NDST4: variants seen among roughly 807,000 people sequenced by gnomAD.
The protein encoded by NDST4 is N-deacetylase and N-sulfotransferase 4.
In NDST4, 63 loss-of-function variants were observed where a neutral mutation model predicts 100.8. That is an observed-to-expected ratio of 0.62 (90% confidence interval 0.51 to 0.77). NDST4 has a LOEUF of 0.77. Ranked by LOEUF, NDST4 falls within the 30% of genes least tolerant of loss-of-function variation. NDST4 has a pLI of 0.00. For missense variants in NDST4, 943 were observed against 1,018.4 expected (o/e 0.93, Z 1.01); for synonymous variants, 377 against 361.8 (o/e 1.04, Z -0.48).
chr4:114,918,656 C>T (rs964835940), intron 6 of NDST4, among the ~76,000 whole-genome samples: 1 of 152,100 alleles, frequency 6.6e-6, no homozygotes, highest in Non-Finnish European at 1.5e-5. Flanking sequence ...CCTGTCCCAC[C>T]CCTCCCCTGA....
intron 6 of NDST4, among the ~76,000 whole-genome samples, chr4:114,934,862 T>TA (rs763378508): frequency 4.6e-4 from 70 of 152,004 alleles, no homozygotes; most frequent in Non-Finnish European, 5.0e-4. Context: ...ACTGTAAAAA[T>TA]AAAAAAATTT....
At chr4:115,040,319 C>T (rs1440593763) in intron 2 of NDST4, among the ~76,000 whole-genome samples, 11 of 147,460 alleles carry the variant, frequency 7.5e-5, no homozygotes, top group Non-Finnish European at 1.5e-5. Flanking sequence ...ATAAGCAAAG[C>T]AATTCTTCTC....
chr4:115,107,654 T>TG (rs1729858106), intron 1 of NDST4, among the ~76,000 whole-genome samples: 1 of 152,050 alleles, frequency 6.6e-6, no homozygotes, highest in Non-Finnish European at 1.5e-5. Context: ...GGCACTACTG[T>TG]GGGGTCTTTA....
intron 3 of NDST4, among the ~76,000 whole-genome samples, chr4:114,975,590 T>A (rs983185810): frequency 3.9e-5 from 6 of 152,138 alleles, no homozygotes; most frequent in African/African-American, 1.4e-4. Context: ...AAGTGGTGTA[T>A]CCTCTACAAC....
intron 7 of NDST4, among the ~76,000 whole-genome samples, chr4:114,861,006 C>A (rs1723907727): frequency 6.6e-6 from 1 of 152,198 alleles, no homozygotes; most frequent in Non-Finnish European, 1.5e-5. Context: ...ATGGACCACA[C>A]TTTGAGTAGC....
At chr4:115,053,470 A>G (rs1728627485) in intron 2 of NDST4, among the ~76,000 whole-genome samples, 1 of 152,044 alleles carries the variant, frequency 6.6e-6, no homozygotes, top group Non-Finnish European at 1.5e-5. Context: ...TCCTGCATAT[A>G]TATCCTTTTT....
intron 2 of NDST4, among the ~76,000 whole-genome samples, chr4:115,001,424 A>G (rs1727287266): frequency 6.6e-6 from 1 of 151,498 alleles, no homozygotes; most frequent in Admixed American, 6.6e-5. Context: ...CCCCACCTAG[A>G]CTATCAGAGC....
chr4:115,011,282 T>C (rs190735409), intron 2 of NDST4, among the ~76,000 whole-genome samples: 7 of 152,098 alleles, frequency 4.6e-5, no homozygotes, highest in Admixed American at 3.9e-4. Flanking sequence ...ACCTTAACTG[T>C]GCTTCATGGC....
At chr4:114,929,261 C>T (rs1560817328) in intron 6 of NDST4, among the ~76,000 whole-genome samples, 1 of 152,006 alleles carries the variant, frequency 6.6e-6, no homozygotes, top group Non-Finnish European at 1.5e-5. Flanking sequence ...TCCATTTGGC[C>T]TGGGCTCTAC....
chr4:114,831,686 G>A (rs1376614997), intron 12 of NDST4, among the ~76,000 whole-genome samples: 1 of 152,060 alleles, frequency 6.6e-6, no homozygotes, highest in East Asian at 1.9e-4. Flanking sequence ...ATCAGAGAAA[G>A]GAGAGCCCTC....
At chr4:114,845,751 TC>T in intron 10 of NDST4, 71 bp downstream of exon 10, 1 of 1,385,052 alleles carries the variant, frequency 7.2e-7, no homozygotes, top group Non-Finnish European at 1.0e-6. Flanking sequence ...TAGGTTCTAT[TC>T]TGGTTATTTT....
intron 6 of NDST4, among the ~76,000 whole-genome samples, chr4:114,915,370 C>A (rs901481481): frequency 2.6e-5 from 4 of 152,070 alleles, no homozygotes; most frequent in African/African-American, 9.7e-5. Flanking sequence ...CCACTTACAC[C>A]AGGTAGGATG....
At chr4:114,925,474 C>A (rs1014882757) in intron 6 of NDST4, among the ~76,000 whole-genome samples, 1 of 152,136 alleles carries the variant, frequency 6.6e-6, no homozygotes, top group African/African-American at 2.4e-5. Flanking sequence ...AGAGCCAGCA[C>A]TAATCCATAA....
intron 1 of NDST4, among the ~76,000 whole-genome samples, chr4:115,104,673 T>C (rs1729801827): frequency 6.6e-6 from 1 of 152,100 alleles, no homozygotes; most frequent in Non-Finnish European, 1.5e-5. Flanking sequence ...ATAAATCACA[T>C]TAAAATGTTG....
At chr4:114,926,130 A>G (rs546901937) in intron 6 of NDST4, among the ~76,000 whole-genome samples, 1 of 152,288 alleles carries the variant, frequency 6.6e-6, no homozygotes, top group East Asian at 1.9e-4. Flanking sequence ...CACCAGGGAA[A>G]TACATGTTAG....
chr4:114,945,208 C>CA (rs1173970826), intron 4 of NDST4, among the ~76,000 whole-genome samples: 11,885 of 53,644 alleles, frequency 0.22, 2,128 homozygotes, highest in South Asian at 0.36. Context: ...AACTCCGTCT[C>CA]AAAAAAAAAA....
At chr4:114,847,402 A>C (rs1178070837) in intron 9 of NDST4, among the ~76,000 whole-genome samples, 1 of 125,160 alleles carries the variant, frequency 8.0e-6, no homozygotes, top group Non-Finnish European at 1.5e-5. Flanking sequence ...AAAAAAAAAA[A>C]AAAAAAAAAA....
At chr4:115,080,324 A>G (rs976830516) in intron 1 of NDST4, among the ~76,000 whole-genome samples, 2 of 152,036 alleles carry the variant, frequency 1.3e-5, no homozygotes, top group Non-Finnish European at 1.5e-5. Context: ...TTTAGTAGAG[A>G]CTGGGTTTCA....
intron 2 of NDST4, among the ~76,000 whole-genome samples, chr4:115,070,415 G>T (rs1578498695): frequency 6.6e-6 from 1 of 152,100 alleles, no homozygotes; most frequent in Non-Finnish European, 1.5e-5. Context: ...GGTGGAGGGT[G>T]GGAGGAGGGT....
Sources: gnomAD v4.1 joint callset for allele counts (sites outside exome capture counted in the v4.1 genomes callset) on GRCh38, gnomAD v4.1.1 for gene constraint, MANE v1.5 for transcripts, NCBI Gene and HGNC (gene_info 2026-07-23, HGNC 2026-07-21) for gene names.